DPF3: variants seen among roughly 807,000 people sequenced by gnomAD.
The protein encoded by DPF3 is double PHD fingers 3, also known as zinc finger protein DPF3.
A neutral mutation model predicts 56.8 loss-of-function variants in DPF3; 18 were observed. The ratio of observed to expected loss-of-function variants is 0.32; its 90% CI spans 0.22 to 0.47. The LOEUF (loss-of-function observed/expected upper bound fraction) is 0.47, where lower values mean the gene tolerates loss of function less well. Ranked by LOEUF, DPF3 falls within the 20% of genes least tolerant of loss-of-function variation. DPF3 has a pLI of 1.00. For synonymous variants in DPF3, 188 were observed against 180.2 expected, an observed-to-expected ratio of 1.04 and a Z score of -0.35; for missense variants, 403 against 488.8, an observed-to-expected ratio of 0.82 and a Z score of 1.65.
At chr14:72,868,172 T>C (rs994000650) in intron 1 of DPF3, among the ~76,000 whole-genome samples, 2 of 152,204 alleles carry the variant, frequency 1.3e-5, no homozygotes, top group African/African-American at 4.8e-5. Flanking sequence ...TAAGATTCAA[T>C]GCCTTTTTAA....
At chr14:72,783,426 C>G (rs745856462) in intron 1 of DPF3, among the ~76,000 whole-genome samples, 27 of 152,234 alleles carry the variant, frequency 1.8e-4, no homozygotes, top group Non-Finnish European at 2.8e-4. Context: ...CTGCAACTGA[C>G]AGCTTGAATG....
At chr14:72,859,790 C>A (rs563708288) in intron 1 of DPF3, among the ~76,000 whole-genome samples, 2 of 152,128 alleles carry the variant, frequency 1.3e-5, no homozygotes, top group Non-Finnish European at 2.9e-5. Flanking sequence ...AAGGAGCCAA[C>A]TATAAATGTT....
chr14:72,849,747 T>C (rs1884899613), intron 1 of DPF3, among the ~76,000 whole-genome samples: 2 of 152,160 alleles, frequency 1.3e-5, no homozygotes, highest in Admixed American at 6.5e-5. Flanking sequence ...CTAGGGCTCA[T>C]AAATCTAGGG....
At chr14:72,865,327 T>C (rs1369087244) in intron 1 of DPF3, among the ~76,000 whole-genome samples, 3 of 152,172 alleles carry the variant, frequency 2.0e-5, no homozygotes, top group African/African-American at 7.2e-5. Context: ...ATAGAGATAA[T>C]TTCTGATATT....
chr14:72,743,981 G>A (rs1284679746), intron 3 of DPF3, among the ~76,000 whole-genome samples: 1 of 152,268 alleles, frequency 6.6e-6, no homozygotes, highest in Non-Finnish European at 1.5e-5. Context: ...GCCCAGGCAA[G>A]TAGGAGGTTG....
chr14:72,884,128 A>G (rs1298998448), intron 1 of DPF3, among the ~76,000 whole-genome samples: 1 of 151,600 alleles, frequency 6.6e-6, no homozygotes, highest in African/African-American at 2.4e-5. Flanking sequence ...AGAGCACCCC[A>G]CTCTACCAAC....
At chr14:72,841,449 G>A (rs915376612) in intron 1 of DPF3, among the ~76,000 whole-genome samples, 1 of 152,106 alleles carries the variant, frequency 6.6e-6, no homozygotes, top group Admixed American at 6.5e-5. Flanking sequence ...TGGAAAATCT[G>A]TAATCTCACT....
chr14:72,820,229 C>T (rs1323654907), intron 1 of DPF3, among the ~76,000 whole-genome samples: 2 of 151,786 alleles, frequency 1.3e-5, no homozygotes, highest in Non-Finnish European at 2.9e-5. Context: ...ACATGTATGA[C>T]AAATTAATAT....
At chr14:72,698,595 G>A (rs1197508209) in intron 6 of DPF3, among the ~76,000 whole-genome samples, 1 of 152,212 alleles carries the variant, frequency 6.6e-6, no homozygotes, top group African/African-American at 2.4e-5. Flanking sequence ...GCTGTGGTGG[G>A]AAGATCACTT....
At chr14:72,870,674 C>T (rs1312044583) in intron 1 of DPF3, among the ~76,000 whole-genome samples, 2 of 152,178 alleles carry the variant, frequency 1.3e-5, no homozygotes, top group African/African-American at 4.8e-5. Flanking sequence ...AGTGCTTCTC[C>T]TACTTATCAT....
chr14:72,624,502 C>A (rs574690643), intron 9 of DPF3, among the ~76,000 whole-genome samples: 1 of 152,164 alleles, frequency 6.6e-6, no homozygotes, highest in East Asian at 1.9e-4. Context: ...CCATGCCTGG[C>A]TAATTTTTGT....
At chr14:72,685,323 A>G (rs1328400227) in intron 7 of DPF3, among the ~76,000 whole-genome samples, 3 of 152,070 alleles carry the variant, frequency 2.0e-5, no homozygotes. Context: ...TTCACATCTC[A>G]GCTTCCCACC....
rs760687359 is a variant in DPF3, at chr14:72,791,536, C to T, written c.33-19643G>A. Among the ~76,000 whole-genome samples the T allele has an allele frequency of 1.4e-3, 206 of 152,346 alleles. 3 individuals are homozygous for T. Among genetic ancestry groups the T allele is most frequent in the South Asian group, 4.1e-4 (2 of 4,832 alleles). ...AGGAGAAAGCAGAGAGCATCGGGTC[C>T]AATGCAGGGGTCCCCTATGCTCGGA... On this transcript the variant is annotated intron_variant, in intron 1 of 10. Coordinates refer to ENST00000556509, the MANE Select transcript of DPF3 (RefSeq NM_001280542.3).
intron 1 of DPF3, among the ~76,000 whole-genome samples, chr14:72,808,842 C>A (rs1339702448): frequency 2.0e-5 from 3 of 152,198 alleles, no homozygotes; most frequent in Non-Finnish European, 4.4e-5. Context: ...TGGATTTTGG[C>A]ATTCTTAGGA....
At chr14:72,707,962 T>TA (rs1200986115) in intron 6 of DPF3, among the ~76,000 whole-genome samples, 3 of 152,050 alleles carry the variant, frequency 2.0e-5, no homozygotes, top group African/African-American at 4.8e-5. Flanking sequence ...AAAGTTATTT[T>TA]AAAAAAATAA....
At chr14:72,745,680 G>A (rs551010813) in intron 3 of DPF3, among the ~76,000 whole-genome samples, 7 of 152,054 alleles carry the variant, frequency 4.6e-5, no homozygotes, top group Middle Eastern at 3.4e-3. Flanking sequence ...CCCTCTCCTT[G>A]GGAAGGTCAG....
At chr14:72,886,126 C>T (rs1886535571) in intron 1 of DPF3, among the ~76,000 whole-genome samples, 1 of 152,172 alleles carries the variant, frequency 6.6e-6, no homozygotes. Context: ...AATCCCAGCA[C>T]TTTGGGAAGC....
rs1883975887 is a variant in DPF3 at position 72,614,751 on chromosome 14, T to C, written c.*4546A>G. Among the ~76,000 whole-genome samples the C allele has an allele frequency of 7.8e-6, 1 of 127,638 alleles. No individual in the cohort carries two copies. Among genetic ancestry groups the C allele is most frequent in the Admixed American group, 8.8e-5 (1 of 11,326 alleles). The allele number at this position is 127,638 out of a possible 152,430, so 83.7% of individuals were successfully genotyped here. On this transcript the variant is annotated 3_prime_UTR_variant, in exon 11 of 11. Coordinates refer to ENST00000556509, the MANE Select transcript of DPF3 (RefSeq NM_001280542.3). ...TTTTACAAAATAATAATAATAATAATCTGTTGCCCAGGATCACAAGCCTCA... is the reference window on the plus strand; with the variant it reads ...TTTTACAAAATAATAATAATAATAACCTGTTGCCCAGGATCACAAGCCTCA...
intron 8 of DPF3, among the ~76,000 whole-genome samples, chr14:72,648,432 A>G (rs1885788949): frequency 6.6e-6 from 1 of 151,924 alleles, no homozygotes; most frequent in African/African-American, 2.4e-5. Flanking sequence ...GTGGTTGTGC[A>G]TGCCTGTAAT....
Sources: allele counts gnomAD v4.1 joint callset (sites outside exome capture counted in the v4.1 genomes callset), GRCh38; gene constraint gnomAD v4.1.1; transcripts MANE v1.5; gene names NCBI Gene and HGNC (gene_info 2026-07-23, HGNC 2026-07-21).